Variants in ADCYAP1R1 observed in about 807,000 individuals in gnomAD.
ADCYAP1R1 encodes the protein pituitary adenylate cyclase-activating polypeptide type I receptor.
ADCYAP1R1 carries 44 observed loss-of-function variants against 67.6 expected under a neutral mutation model. The ratio of observed to expected loss-of-function variants is 0.65; its 90% confidence interval spans 0.51 to 0.84. ADCYAP1R1 has a LOEUF of 0.84. Among genes scored for constraint, ADCYAP1R1 ranks in the 40% least tolerant of loss-of-function variants. The probability of loss-of-function intolerance (pLI) is 0.00; values close to 1 mark genes in which losing one functional copy is unlikely to be tolerated. For synonymous variants in ADCYAP1R1, 222 were observed against 219.6 expected (o/e 1.01, Z -0.10); for missense variants, 477 against 587.9 (o/e 0.81, Z 1.95).
At chr7:31,070,102 A>C (rs1263925115) in intron 3 of ADCYAP1R1, among the ~76,000 whole-genome samples, 1 of 152,172 alleles carries the variant, frequency 6.6e-6, no homozygotes, top group Non-Finnish European at 1.5e-5. Context: ...TCAGACAGGG[A>C]GTGCCCTTTC....
chr7:31,074,314 C>T (rs1284074286), intron 3 of ADCYAP1R1, among the ~76,000 whole-genome samples: 1 of 152,200 alleles, frequency 6.6e-6, no homozygotes, highest in Non-Finnish European at 1.5e-5. Context: ...CCTCAAACAT[C>T]AATTTCACAG....
rs1678630919 is a variant in ADCYAP1R1, at chr7:31,078,183, G to A, written c.265+85G>A. ...CCAGGCAAGCACCAAGGACAGGGAG[G>A]CCACCCTGTGGGCAGACAGTCCCTG... On this transcript the variant is annotated intron_variant, in intron 4 of 15. Transcript: ENST00000304166. 4.6e-6 allele frequency: 5 copies of A among 1,081,108 alleles called. No homozygotes were observed. In the South Asian group the frequency reaches 4.6e-5, roughly 10 times the overall value. 67.0% of individuals were successfully genotyped at this position (1,081,108 alleles called of 1,614,324 possible). A position where few individuals can be genotyped will look rare whatever the true frequency, so the allele number is the denominator to read the frequency against.
At position 31,099,859 on chromosome 7, in the gene ADCYAP1R1, C is replaced by T. The variant is rs1016773429; in HGVS notation, c.1047-3378C>T. ...GCCACCTTCTGAATACACACCTTCCCTCTAAACCCACCCACCTAGCAGTGG... is the reference window on the plus strand; with the variant it reads ...GCCACCTTCTGAATACACACCTTCCTTCTAAACCCACCCACCTAGCAGTGG... On this transcript the variant is annotated intron_variant, in intron 13 of 15. Coordinates refer to ENST00000304166, the MANE Select transcript of ADCYAP1R1 (RefSeq NM_001118.5). Among the ~76,000 whole-genome samples, 12 of 152,342 alleles carry T rather than the reference C, an allele frequency of 7.9e-5. No individual in the cohort carries two copies. In the South Asian group the frequency reaches 2.3e-3, roughly 29 times the overall value.
At chr7:31,101,016 A>G (rs575788330) in intron 13 of ADCYAP1R1, among the ~76,000 whole-genome samples, 1 of 152,264 alleles carries the variant, frequency 6.6e-6, no homozygotes, top group Admixed American at 6.5e-5. Context: ...GGCTCACATC[A>G]TATGTTTCTG....
intron 2 of ADCYAP1R1, among the ~76,000 whole-genome samples, chr7:31,064,548 G>A (rs778177124): frequency 1.3e-5 from 2 of 152,178 alleles, no homozygotes; most frequent in Non-Finnish European, 2.9e-5. Flanking sequence ...AGAGTGAAGT[G>A]CTATATGCGC....
intron 1 of ADCYAP1R1, among the ~76,000 whole-genome samples, chr7:31,061,905 G>A (rs182469717): frequency 1.3e-3 from 191 of 152,272 alleles, no homozygotes; most frequent in Non-Finnish European, 2.0e-3. Flanking sequence ...ATGGCCTCCC[G>A]GGCCAGGCAC....
intron 13 of ADCYAP1R1, among the ~76,000 whole-genome samples, chr7:31,101,329 G>T (rs998905982): frequency 6.6e-6 from 1 of 152,170 alleles, no homozygotes; most frequent in Admixed American, 6.5e-5. Context: ...ACAGAAGCTG[G>T]AGAGATTTGA....
chr7:31,084,342 C>T, intron 7 of ADCYAP1R1, 92 bp downstream of exon 7: 1 of 1,022,670 alleles, frequency 9.8e-7, no homozygotes, highest in Non-Finnish European at 1.5e-6. Context: ...CCTGCTGGGG[C>T]TGAGAAGCAA....
chr7:31,086,846 T>TG lies in ADCYAP1R1; in HGVS notation c.824-92dup. The TG allele has an allele frequency of 7.7e-7, 1 of 1,304,056 alleles. No homozygotes were observed. Among genetic ancestry groups the TG allele is most frequent in the Non-Finnish European group, 1.1e-6 (1 of 900,922 alleles). The allele number at this position is 1,304,056 out of a possible 1,614,324, so 80.8% of individuals were successfully genotyped here. ...GAATTCCCAGGAATTCCAAGTCTCA[T>TG]GGGGGAGCAATAGCCTCTCGGAGCC... is the stretch of plus-strand genomic sequence containing the variant. On this transcript the variant is annotated intron_variant, in intron 10 of 15. Transcript: ENST00000304166. The surrounding 1 kb of genome is among the most constrained non-coding windows in gnomAD (Gnocchi z 5.0).
At chr7:31,069,722 C>T (rs1794895172) in intron 3 of ADCYAP1R1, among the ~76,000 whole-genome samples, 1 of 152,074 alleles carries the variant, frequency 6.6e-6, no homozygotes, top group African/African-American at 2.4e-5. Flanking sequence ...TGCAGAGTGG[C>T]CTTCAGAGTG....
chr7:31,090,250 A>G (rs1795911425), intron 12 of ADCYAP1R1, among the ~76,000 whole-genome samples: 1 of 151,964 alleles, frequency 6.6e-6, no homozygotes, highest in Admixed American at 6.6e-5. Flanking sequence ...TTCCCATCTT[A>G]TTCAATTTTC....
intron 3 of ADCYAP1R1, among the ~76,000 whole-genome samples, chr7:31,070,869 G>T (rs772470467): frequency 1.3e-5 from 2 of 152,170 alleles, no homozygotes; most frequent in African/African-American, 4.8e-5. Flanking sequence ...TGATTTTGCC[G>T]GTCTGTGGTC....
rs762489636 is a variant in ADCYAP1R1, at chr7:31,106,610, C to T, written c.1333C>T (p.Gln445Ter). The T allele has an allele frequency of 5.6e-6, 9 of 1,613,902 alleles. No individual in the cohort carries two copies. The highest frequency in any genetic ancestry group is 4.0e-5 in the African/African-American group (3 of 74,952). ...LASSGVNGGT[Q>*]LSILSKSSSQ... ...CAGCAGTGGGGTGAATGGGGGCACC[C>T]AGCTCTCCATCCTGAGCAAGAGCAG... Residue 445 changes from glutamine to a stop codon, truncating the protein, a stop_gained, in exon 16 of 16, where the codon CAG becomes TAG. Transcript: ENST00000304166. LOFTEE classifies it high-confidence loss of function.
intron 3 of ADCYAP1R1, among the ~76,000 whole-genome samples, chr7:31,065,789 T>C (rs558946999): frequency 9.5e-4 from 144 of 152,334 alleles, no homozygotes; most frequent in African/African-American, 3.2e-3. Flanking sequence ...ACTGGCTCCG[T>C]GCTGCCTAAG....
chr7:31,100,905 C>T (rs1454767536), intron 13 of ADCYAP1R1, among the ~76,000 whole-genome samples: 2 of 152,222 alleles, frequency 1.3e-5, no homozygotes, highest in Admixed American at 6.5e-5. Flanking sequence ...GTTATTTGGG[C>T]ATCTCTGATG....
chr7:31,081,696 ATGTC>A lies in ADCYAP1R1; in HGVS notation c.287-13_287-10del. 1.9e-6 allele frequency: 3 copies of A among 1,592,898 alleles called. No homozygotes were observed. On this transcript the variant is annotated splice_polypyrimidine_tract_variant and intron_variant, in intron 5 of 15. Transcript: ENST00000304166. Reference sequence around the variant, plus strand: ...AAGCCAGGCATTTTGATATATGCCTATGTCTGTATTTTTCAGGAGAGTCTGATTT... The same window carrying A: ...AAGCCAGGCATTTTGATATATGCCTATGTATTTTTCAGGAGAGTCTGATTT...
intron 13 of ADCYAP1R1, among the ~76,000 whole-genome samples, chr7:31,099,542 A>G (rs575169632): frequency 2.0e-5 from 3 of 152,294 alleles, no homozygotes; most frequent in South Asian, 2.1e-4. Context: ...TCCCCTATGT[A>G]TGTGCTGATT....
chr7:31,086,991 T>A lies in ADCYAP1R1; in HGVS notation c.872T>A (p.Phe291Tyr), dbSNP rs780950409. ...GTGTGGGCTACGCTGAGACTCTACT[T>A]TGATGACACAGGGTTAGTACATGCG... ...VTVWATLRLYFDDTGCWDMND... is the reference protein window; with the variant it reads ...VTVWATLRLYYDDTGCWDMND... The change falls in exon 11 of 16, where the codon TTT becomes TAT. Residue 291 changes from phenylalanine to tyrosine, a missense_variant. By Grantham distance (22) the Phe-to-Tyr change is conservative. Transcript: ENST00000304166. This position sits in a 1 kb window ranked among gnomAD's most constrained non-coding sequence, Gnocchi z 5.0. The A allele has an allele frequency of 6.2e-6, 10 of 1,614,070 alleles. No individual in the cohort carries two copies. Among genetic ancestry groups the A allele is most frequent in the Non-Finnish European group, 8.5e-6 (10 of 1,180,046 alleles).
chr7:31,092,842 C>A, intron 13 of ADCYAP1R1, 107 bp downstream of exon 13: 1 of 751,826 alleles, frequency 1.3e-6, no homozygotes, highest in Non-Finnish European at 2.2e-6. Context: ...GGTGACCTAG[C>A]ATCAGCATTT....
Sources: allele counts gnomAD v4.1 joint callset (sites outside exome capture counted in the v4.1 genomes callset), GRCh38; gene constraint gnomAD v4.1.1; non-coding constraint Gnocchi (gnomAD v3.1); transcripts MANE v1.5; gene names NCBI Gene and HGNC (gene_info 2026-07-23, HGNC 2026-07-21).